Variants in TENM2 observed in about 807,000 individuals in gnomAD.
TENM2 encodes the protein teneurin transmembrane protein 2, also known as teneurin-2.
In TENM2, 52 loss-of-function variants were observed where a neutral mutation model predicts 245.2. That is an observed-to-expected ratio of 0.21 (90% CI 0.17 to 0.27). The LOEUF (loss-of-function observed/expected upper bound fraction) is 0.27. Among genes scored for constraint, TENM2 ranks in the 10% least tolerant of loss-of-function variants. The probability of loss-of-function intolerance (pLI) is 1.00; values close to 1 mark genes in which losing one functional copy is unlikely to be tolerated. For missense variants in TENM2, 3,046 were observed against 3,666.8 expected (o/e 0.83, Z 4.37); for synonymous variants, 1,363 against 1,438.9 (o/e 0.95, Z 1.19).
chr5:167,131,922 A>G, the TENM2 span, among the ~76,000 whole-genome samples: 1 of 152,144 alleles, frequency 6.6e-6, no homozygotes, highest in South Asian at 2.1e-4. Flanking sequence ...TCCCAGGTTC[A>G]AGCAATTCTC....
intron 7 of TENM2, among the ~76,000 whole-genome samples, chr5:168,083,971 G>A (rs566640711): frequency 3.3e-5 from 5 of 151,928 alleles, no homozygotes; most frequent in South Asian, 2.1e-4. Flanking sequence ...CTTTATTTCC[G>A]TGCATACCCA....
At chr5:168,154,157 A>AAAAAAAAAAAAAAAAAAAAAAAAAAAAT (rs1756923180) in intron 12 of TENM2, among the ~76,000 whole-genome samples, 1 of 151,122 alleles carries the variant, frequency 6.6e-6, no homozygotes. Flanking sequence ...TAAAAAAAAA[A>AAAAAAAAAAAAAAAAAAAAAAAAAAAAT]AAAAAAAAAC....
chr5:168,233,241 G>A (rs368721253), intron 25 of TENM2, among the ~76,000 whole-genome samples: 12 of 152,230 alleles, frequency 7.9e-5, no homozygotes, highest in East Asian at 5.8e-4. Context: ...CAGGAGAATC[G>A]CTTGAACCAG....
chr5:167,292,953 C>A (rs1418936415), intron 1 of TENM2, among the ~76,000 whole-genome samples: 1 of 151,974 alleles, frequency 6.6e-6, no homozygotes, highest in Non-Finnish European at 1.5e-5. Context: ...GTGCAAAGGC[C>A]CAGAGGTGAC....
At chr5:167,480,733 G>A (rs563360929) in intron 2 of TENM2, among the ~76,000 whole-genome samples, 1 of 152,178 alleles carries the variant, frequency 6.6e-6, no homozygotes, top group African/African-American at 2.4e-5. Context: ...GTATTTTCTT[G>A]CTCAAAATTC....
At chr5:168,002,064 T>A (rs368651620) in intron 5 of TENM2, among the ~76,000 whole-genome samples, 8 of 152,294 alleles carry the variant, frequency 5.3e-5, no homozygotes, top group African/African-American at 1.9e-4. Flanking sequence ...GAGAAAAAAA[T>A]TATAAGATAT....
At chr5:167,476,610 G>A (rs1767396373) in intron 2 of TENM2, among the ~76,000 whole-genome samples, 1 of 151,732 alleles carries the variant, frequency 6.6e-6, no homozygotes. Context: ...TTGTTTTTTT[G>A]TTTTGAGGTG....
chr5:167,302,558 C>T (rs575052135), intron 1 of TENM2, among the ~76,000 whole-genome samples: 8 of 148,888 alleles, frequency 5.4e-5, no homozygotes, highest in South Asian at 4.3e-4. Context: ...GATAAGAGGT[C>T]GGGGCGTGGA....
intron 2 of TENM2, among the ~76,000 whole-genome samples, chr5:167,702,552 G>GTGTATA (rs58351767): frequency 0.15 from 20,102 of 136,444 alleles, 1,575 homozygotes; most frequent in Middle Eastern, 0.21. Context: ...GTGTGTGTGT[G>GTGTATA]TATATATATA....
intron 19 of TENM2, among the ~76,000 whole-genome samples, chr5:168,208,010 A>G (rs1422419362): frequency 2.0e-5 from 3 of 152,200 alleles, no homozygotes; most frequent in African/African-American, 7.2e-5. Context: ...TTACTAGTCC[A>G]GTTCCCACTG....
At position 167,839,176 on chromosome 5, in the gene TENM2, A is replaced by G. The variant is rs938687400; in HGVS notation, c.503-36810A>G. ...TGTTTACTGGTTCCTCTGCTTCTCA[A>G]TGACACCCACATTCCCAGTTGATTC... is the stretch of plus-strand genomic sequence containing the variant. On this transcript the variant is annotated intron_variant, in intron 2 of 28. Coordinates refer to ENST00000518659, the Ensembl canonical transcript of TENM2. Among the ~76,000 whole-genome samples the G allele has an allele frequency of 2.1e-4, 32 of 152,200 alleles. 1 individual carries two copies. The highest frequency in any genetic ancestry group is 1.9e-4 in the East Asian group (1 of 5,202).
intron 1 of TENM2, among the ~76,000 whole-genome samples, chr5:167,316,562 T>C (rs1427493622): frequency 6.6e-6 from 1 of 152,230 alleles, no homozygotes; most frequent in Non-Finnish European, 1.5e-5. Context: ...TATCCATACA[T>C]GTTTACTTGT....
chr5:167,178,970 G>T, the TENM2 span, among the ~76,000 whole-genome samples: 1 of 152,166 alleles, frequency 6.6e-6, no homozygotes, highest in Non-Finnish European at 1.5e-5. Flanking sequence ...CAGACTTTAT[G>T]AACAGAGAAC....
intron 2 of TENM2, among the ~76,000 whole-genome samples, chr5:167,631,775 T>C (rs73382948): frequency 0.012 from 1,817 of 152,286 alleles, 34 homozygotes; most frequent in African/African-American, 0.042. Flanking sequence ...AAGCCCTCCC[T>C]GACCCCTCGA....
the TENM2 span, among the ~76,000 whole-genome samples, chr5:166,980,473 TA>T: frequency 2.0e-5 from 3 of 152,340 alleles, no homozygotes; most frequent in South Asian, 6.2e-4. Context: ...GGATCTGTTT[TA>T]AATATTATTT....
At chr5:167,232,953 T>C in the TENM2 span, among the ~76,000 whole-genome samples, 3 of 152,206 alleles carry the variant, frequency 2.0e-5, no homozygotes. Context: ...TGCTATGTGC[T>C]GGAGATACAA....
At chr5:167,014,619 A>G in the TENM2 span, among the ~76,000 whole-genome samples, 1 of 152,228 alleles carries the variant, frequency 6.6e-6, no homozygotes, top group Admixed American at 6.5e-5. Flanking sequence ...CTGTTGCATA[A>G]GAGAAAGAAC....
chr5:167,096,575 C>T, the TENM2 span, among the ~76,000 whole-genome samples: 1 of 152,208 alleles, frequency 6.6e-6, no homozygotes, highest in Non-Finnish European at 1.5e-5. Context: ...AAACTCTAAA[C>T]ATCTGACCAG....
intron 4 of TENM2, among the ~76,000 whole-genome samples, chr5:167,990,543 G>A (rs527522979): frequency 6.6e-6 from 1 of 152,280 alleles, no homozygotes; most frequent in Non-Finnish European, 1.5e-5. Flanking sequence ...GTTCTCAAAA[G>A]CAGTGTCAGG....
Sources: gnomAD v4.1 joint callset for allele counts (sites outside exome capture counted in the v4.1 genomes callset) on GRCh38, gnomAD v4.1.1 for gene constraint, MANE v1.5 for transcripts, NCBI Gene and HGNC (gene_info 2026-07-23, HGNC 2026-07-21) for gene names.